MAF: variants seen among roughly 807,000 people sequenced by gnomAD.
The protein encoded by MAF is MAF bZIP transcription factor.
In MAF, 10 loss-of-function variants were observed where a neutral mutation model predicts 22.0. The ratio of observed to expected loss-of-function variants is 0.45; its 90% CI spans 0.28 to 0.77. The LOEUF (loss-of-function observed/expected upper bound fraction) is 0.77. MAF is among the 30% of genes least tolerant of loss of function. MAF has a pLI of 0.12. For synonymous variants in MAF, 337 were observed against 255.8 expected, an observed-to-expected ratio of 1.32 and a Z score of -3.03; for missense variants, 544 against 548.4, an observed-to-expected ratio of 0.99 and a Z score of 0.08.
chr16:79,430,498 C>T, the MAF span, among the ~76,000 whole-genome samples: 1 of 152,240 alleles, frequency 6.6e-6, no homozygotes. Context: ...CCAGTGCCTC[C>T]TCATTCCTGG....
At chr16:79,305,587 T>A in the MAF span, among the ~76,000 whole-genome samples, 3 of 152,054 alleles carry the variant, frequency 2.0e-5, no homozygotes, top group South Asian at 2.1e-4. Flanking sequence ...TGCACTAGGA[T>A]TGGGGAGTTT....
the MAF span, chr16:79,212,553 A>AGTTAATCCCTTTGTCTGTCAAT: frequency 5.9e-6 from 1 of 168,188 alleles, no homozygotes; most frequent in Admixed American, 5.5e-5. Flanking sequence ...ATAAAACGTT[A>AGTTAATCCCTTTGTCTGTCAAT]GTTAATCCCT....
chr16:79,248,669 T>C, the MAF span, among the ~76,000 whole-genome samples: 4 of 152,326 alleles, frequency 2.6e-5, no homozygotes, highest in East Asian at 7.7e-4. Flanking sequence ...CAGTAGGGTA[T>C]CTTGCACTGT....
At chr16:79,360,442 T>C in the MAF span, among the ~76,000 whole-genome samples, 1 of 152,068 alleles carries the variant, frequency 6.6e-6, no homozygotes, top group Admixed American at 6.5e-5. Context: ...CACTCATGAG[T>C]CATGTGGCTG....
chr16:79,548,901 A>C, the MAF span, among the ~76,000 whole-genome samples: 31,213 of 152,116 alleles, frequency 0.21, 3,725 homozygotes, highest in Non-Finnish European at 0.28. Flanking sequence ...ACACACTTAC[A>C]CAAAAAATAA....
At chr16:79,590,433 C>A (rs974427453), downstream of MAF, among the ~76,000 whole-genome samples, 1 of 152,142 alleles carries the variant, frequency 6.6e-6, no homozygotes, top group African/African-American at 2.4e-5. Context: ...GCGGAGGTGA[C>A]TTATTGGGTC....
chr16:79,454,456 A>G, the MAF span, among the ~76,000 whole-genome samples: 3 of 152,186 alleles, frequency 2.0e-5, no homozygotes, highest in South Asian at 6.2e-4. Context: ...ACACCATTCC[A>G]TCCAACCCAG....
chr16:79,292,942 G>T, the MAF span, among the ~76,000 whole-genome samples: 2 of 152,036 alleles, frequency 1.3e-5, no homozygotes, highest in African/African-American at 4.8e-5. Flanking sequence ...GGTCTAAAAG[G>T]GTAGGAACCC....
chr16:79,321,452 G>A, the MAF span, among the ~76,000 whole-genome samples: 2 of 152,276 alleles, frequency 1.3e-5, no homozygotes, highest in East Asian at 1.9e-4. Flanking sequence ...ACAAGAACAT[G>A]GAGGCTAGAG....
At chr16:79,239,642 C>T in the MAF span, among the ~76,000 whole-genome samples, 2 of 152,026 alleles carry the variant, frequency 1.3e-5, no homozygotes, top group Non-Finnish European at 1.5e-5. Context: ...TCTTTCCTAG[C>T]ATGTCTCACA....
chr16:79,339,226 C>T, the MAF span, among the ~76,000 whole-genome samples: 3 of 146,142 alleles, frequency 2.1e-5, no homozygotes, highest in African/African-American at 8.3e-5. Context: ...CCCGCCACCA[C>T]GCCCGGCTAA....
At chr16:79,329,563 CAACAAAG>C in the MAF span, among the ~76,000 whole-genome samples, 2 of 152,052 alleles carry the variant, frequency 1.3e-5, no homozygotes, top group Admixed American at 6.5e-5. Flanking sequence ...GTACATTAAG[CAACAAAG>C]TGGAAAAAAG....
the MAF span, among the ~76,000 whole-genome samples, chr16:79,569,742 C>A: frequency 1.3e-5 from 2 of 152,172 alleles, no homozygotes; most frequent in Non-Finnish European, 2.9e-5. Context: ...TTTAATTGAT[C>A]TGGGCTGGGG....
chr16:79,460,127 C>A, the MAF span, among the ~76,000 whole-genome samples: 4 of 151,960 alleles, frequency 2.6e-5, no homozygotes, highest in Non-Finnish European at 4.4e-5. Context: ...CTTTCATTTT[C>A]GAAAGTGTTG....
chr16:79,594,712 GAAAA>G (rs36052284), intron 1 of MAF, 159 bp from the exon 2 acceptor site: 10 of 1,310,874 alleles, frequency 7.6e-6, no homozygotes, highest in Middle Eastern at 5.7e-4. Flanking sequence ...TTCTTTGTAA[GAAAA>G]AAAAAACATG....
the MAF span, among the ~76,000 whole-genome samples, chr16:79,225,953 T>C: frequency 1.3e-5 from 2 of 152,176 alleles, no homozygotes; most frequent in Admixed American, 1.3e-4. Context: ...AGTTCAACCA[T>C]TGTGGAAGAC....
chr16:79,349,237 C>A, the MAF span, among the ~76,000 whole-genome samples: 1 of 152,180 alleles, frequency 6.6e-6, no homozygotes, highest in Non-Finnish European at 1.5e-5. Flanking sequence ...TAAGTCACCC[C>A]GAGTCTGAAT....
the MAF span, among the ~76,000 whole-genome samples, chr16:79,288,051 A>T: frequency 2.6e-5 from 4 of 152,176 alleles, no homozygotes; most frequent in African/African-American, 9.6e-5. Flanking sequence ...ACTGCTTGTA[A>T]TTACTCTGTT....
At chr16:79,355,053 C>G in the MAF span, among the ~76,000 whole-genome samples, 15 of 152,244 alleles carry the variant, frequency 9.9e-5, no homozygotes, top group East Asian at 2.9e-3. Context: ...TAAAAGATTT[C>G]TTCTTCCTTG....
Sources: gnomAD v4.1 joint callset for allele counts (sites outside exome capture counted in the v4.1 genomes callset) on GRCh38, gnomAD v4.1.1 for gene constraint, MANE v1.5 for transcripts, NCBI Gene and HGNC (gene_info 2026-07-23, HGNC 2026-07-21) for gene names.